Variants in ARHGEF3 observed in about 807,000 individuals in gnomAD.
ARHGEF3 encodes the protein 59.8 kDA protein.
Under a neutral mutation model 63.2 loss-of-function variants are expected in ARHGEF3, and 28 were observed. The observed-to-expected ratio is 0.44, with a 90% CI of 0.33 to 0.61. The LOEUF is 0.61. Among genes scored for constraint, ARHGEF3 ranks in the 20% least tolerant of loss-of-function variants. ARHGEF3 has a pLI of 0.03. For missense variants in ARHGEF3, 533 were observed against 659.3 expected, an observed-to-expected ratio of 0.81 and a Z score of 2.10; for synonymous variants, 266 against 254.2, an observed-to-expected ratio of 1.05 and a Z score of -0.44.
intron 2 of ARHGEF3, among the ~76,000 whole-genome samples, chr3:56,972,613 C>G (rs1449814327): frequency 2.0e-5 from 3 of 151,930 alleles, no homozygotes; most frequent in Non-Finnish European, 4.4e-5. Flanking sequence ...GAGCCGGAAG[C>G]CTGTCTTAGG....
intron 3 of ARHGEF3, among the ~76,000 whole-genome samples, chr3:56,951,043 A>G (rs981252380): frequency 2.6e-5 from 4 of 151,164 alleles, no homozygotes; most frequent in African/African-American, 9.8e-5. Context: ...AAAACCAAAC[A>G]CGGCATGTTC....
intron 1 of ARHGEF3, among the ~76,000 whole-genome samples, chr3:57,054,084 A>G (rs532730928): frequency 7.6e-4 from 116 of 152,174 alleles, no homozygotes; most frequent in African/African-American, 2.7e-3. Flanking sequence ...TATCAAAATG[A>G]TTTTCCAAAA....
At chr3:57,041,901 C>A (rs1704199776) in intron 1 of ARHGEF3, among the ~76,000 whole-genome samples, 1 of 152,206 alleles carries the variant, frequency 6.6e-6, no homozygotes, top group Non-Finnish European at 1.5e-5. Context: ...GACCTCACCT[C>A]CCCAGTGGCC....
chr3:56,774,005 C>T (rs556610218), intron 1 of ARHGEF3, among the ~76,000 whole-genome samples, 189 bp from the exon 2 acceptor site: 1 of 152,262 alleles, frequency 6.6e-6, no homozygotes, highest in East Asian at 1.9e-4. Context: ...GGAGAAATGG[C>T]AGGCAGGGGA....
intron 2 of ARHGEF3, among the ~76,000 whole-genome samples, chr3:56,967,797 ATAT>A (rs1161423932): frequency 3.0e-5 from 2 of 66,820 alleles, no homozygotes; most frequent in Non-Finnish European, 2.5e-5. Flanking sequence ...TATATATTAC[ATAT>A]TATATAATAT....
chr3:56,928,926 C>A (rs1265922968), intron 3 of ARHGEF3, among the ~76,000 whole-genome samples: 1 of 152,180 alleles, frequency 6.6e-6, no homozygotes, highest in African/African-American at 2.4e-5. Context: ...GAATGGCCAC[C>A]CTTCCCTCCT....
chr3:56,867,482 TA>T (rs2040292441), intron 4 of ARHGEF3, among the ~76,000 whole-genome samples: 5 of 150,880 alleles, frequency 3.3e-5, no homozygotes, highest in East Asian at 3.9e-4. Context: ...TTTATTTATT[TA>T]TTTTTTTGAG....
At chr3:56,765,363 A>G (rs1348372082) in intron 2 of ARHGEF3, among the ~76,000 whole-genome samples, 2 of 152,144 alleles carry the variant, frequency 1.3e-5, no homozygotes, top group African/African-American at 2.4e-5. Context: ...ACCCATGATT[A>G]TATCCTCTCC....
At chr3:57,045,242 G>A (rs1386035051) in intron 1 of ARHGEF3, among the ~76,000 whole-genome samples, 1 of 152,206 alleles carries the variant, frequency 6.6e-6, no homozygotes, top group East Asian at 1.9e-4. Flanking sequence ...ACTCCAGCCT[G>A]GGTGATAAGA....
In ARHGEF3 at chr3:56,895,211, G is replaced by A. The variant is rs191324825; in HGVS notation, c.130-12857C>T. Among the ~76,000 whole-genome samples, 17 of 152,260 alleles carry A rather than the reference G, an allele frequency of 1.1e-4. No individual in the cohort carries two copies. The East Asian group carries it at 3.3e-3, about 29-fold the overall frequency. On this transcript the variant is annotated intron_variant, in intron 3 of 12. Coordinates refer to the ARHGEF3 transcript ENST00000338458. ...TTTCCAGGCGCTGCATCAGAAATGG[G>A]AACTGGCTTTCACGTTATTGTTCTG... is the stretch of plus-strand genomic sequence containing the variant.
intron 4 of ARHGEF3, among the ~76,000 whole-genome samples, chr3:56,831,208 T>C (rs1180558071): frequency 6.6e-6 from 1 of 152,220 alleles, no homozygotes; most frequent in South Asian, 2.1e-4. Context: ...TATGTTTTAA[T>C]AACAGACCCA....
chr3:57,007,144 T>C (rs1351419265), intron 2 of ARHGEF3: 1 of 1,231,220 alleles, frequency 8.1e-7, no homozygotes, highest in Non-Finnish European at 1.0e-6. Context: ...TTTATGTTAT[T>C]CATCCATAAA....
chr3:57,015,600 A>AT (rs11290143), intron 2 of ARHGEF3, among the ~76,000 whole-genome samples: 40,728 of 129,166 alleles, frequency 0.32, 6,931 homozygotes, highest in Admixed American at 0.39. Flanking sequence ...CGCCCTGCTA[A>AT]TTTTTTTTTT....
chr3:56,916,620 C>T (rs2041997077), intron 3 of ARHGEF3: 8 of 698,634 alleles, frequency 1.1e-5, no homozygotes, highest in Non-Finnish European at 1.4e-5. Flanking sequence ...TTCTGACTGA[C>T]AATCCCCAGC....
At chr3:56,800,163 G>A (rs936761156) in intron 1 of ARHGEF3, among the ~76,000 whole-genome samples, 5 of 152,202 alleles carry the variant, frequency 3.3e-5, no homozygotes, top group African/African-American at 1.2e-4. Context: ...CTAAGTAATA[G>A]TAGGAAGGGA....
At chr3:56,751,438 C>A in intron 4 of ARHGEF3, 42 bp from the exon 5 acceptor site, 1 of 1,533,260 alleles carries the variant, frequency 6.5e-7, no homozygotes, top group South Asian at 1.1e-5. Context: ...TGTTTAAAAT[C>A]AGAGGAAGTA....
chr3:56,916,293 G>A, intron 3 of ARHGEF3: 1 of 1,534,850 alleles, frequency 6.5e-7, no homozygotes. Flanking sequence ...CCCAGGCTCA[G>A]CAGCAGGGGG....
intron 4 of ARHGEF3, among the ~76,000 whole-genome samples, chr3:56,752,859 A>G (rs1374726519): frequency 6.6e-6 from 1 of 152,214 alleles, no homozygotes; most frequent in Non-Finnish European, 1.5e-5. Flanking sequence ...AGAAAGACTA[A>G]AAACCCTTAA....
chr3:56,933,239 T>C (rs1325165945), intron 3 of ARHGEF3, among the ~76,000 whole-genome samples: 2 of 152,192 alleles, frequency 1.3e-5, no homozygotes, highest in East Asian at 1.9e-4. Context: ...CAAATTTTCT[T>C]TCTTCCCTCT....
Sources: gnomAD v4.1 joint callset for allele counts (sites outside exome capture counted in the v4.1 genomes callset) on GRCh38, gnomAD v4.1.1 for gene constraint, MANE v1.5 for transcripts, NCBI Gene and HGNC (gene_info 2026-07-23, HGNC 2026-07-21) for gene names.